KIF13B: variants seen among roughly 807,000 people sequenced by gnomAD.
The protein encoded by KIF13B is kinesin-like protein KIF13B.
A neutral mutation model predicts 222.0 loss-of-function variants in KIF13B; 127 were observed. The observed-to-expected ratio is 0.57, with a 90% CI of 0.50 to 0.66. The LOEUF is 0.66. Among genes scored for constraint, KIF13B ranks in the 30% least tolerant of loss-of-function variants. KIF13B has a pLI of 0.00. For missense variants in KIF13B, 2,173 were observed against 2,379.0 expected, an observed-to-expected ratio of 0.91 and a Z score of 1.80; for synonymous variants, 976 against 919.0, an observed-to-expected ratio of 1.06 and a Z score of -1.12.
chr8:29,148,142 T>C (rs73224671), intron 16 of KIF13B, among the ~76,000 whole-genome samples: 21,618 of 152,144 alleles, frequency 0.14, 1,906 homozygotes, highest in Admixed American at 0.27. Flanking sequence ...GAGGCAGAGG[T>C]TGCAGGGAGC....
rs1160378572 is a variant in KIF13B, at chr8:29,071,893, G to A, written c.4945C>T (p.Arg1649Trp). 32 of 1,485,922 alleles carry A rather than the reference G, an allele frequency of 2.2e-5. No homozygotes were observed. Among genetic ancestry groups the A allele is most frequent in the Admixed American group, 1.0e-4 (4 of 38,866 alleles). The allele number at this position is 1,485,922 out of a possible 1,614,324, so 92.0% of individuals were successfully genotyped here. The change falls in exon 39 of 40, where the codon CGG becomes TGG. Residue 1649 changes from arginine (R) to tryptophan (W), a missense_variant. Arg to Trp is a moderately radical substitution (Grantham distance 101). Transcript: ENST00000524189. The surrounding 1 kb of genome is among the most constrained non-coding windows in gnomAD (Gnocchi z 4.9). Reference protein sequence around the residue: ...APAPGSPFRVRRVRASELRSF... With the variant: ...APAPGSPFRVWRVRASELRSF... ...CGCAACTCCGAGGCCCGCACCCTCC[G>A]GACGCGGAACGGGGAGCCGGGCGCC...
chr8:29,237,217 T>C (rs1032000426), intron 2 of KIF13B, among the ~76,000 whole-genome samples: 7 of 152,108 alleles, frequency 4.6e-5, no homozygotes, highest in Middle Eastern at 3.4e-3. Flanking sequence ...AGTAACAATT[T>C]CTATCCTACA....
At chr8:29,184,706 G>A (rs1812857366) in intron 6 of KIF13B, among the ~76,000 whole-genome samples, 1 of 152,160 alleles carries the variant, frequency 6.6e-6, no homozygotes, top group South Asian at 2.1e-4. Flanking sequence ...GTGCAGATAA[G>A]TTAAAAAGAT....
At chr8:29,135,258 T>C (rs1192966534) in intron 21 of KIF13B, among the ~76,000 whole-genome samples, 2 of 152,130 alleles carry the variant, frequency 1.3e-5, no homozygotes, top group Non-Finnish European at 2.9e-5. Flanking sequence ...TTTCCCAGAC[T>C]GGTTTTGAAT....
intron 35 of KIF13B, among the ~76,000 whole-genome samples, chr8:29,104,488 A>G (rs994143521): frequency 6.6e-6 from 1 of 152,150 alleles, no homozygotes; most frequent in South Asian, 2.1e-4. Flanking sequence ...CCACGTTTGC[A>G]TTGATAACTG....
intron 21 of KIF13B, among the ~76,000 whole-genome samples, chr8:29,136,825 C>A (rs180723898): frequency 0.012 from 1,363 of 117,572 alleles, 15 homozygotes; most frequent in African/African-American, 0.026. Flanking sequence ...TTTGAGATGG[C>A]GTCTCGCTCT....
At chr8:29,113,423 A>G in intron 32 of KIF13B, 40 bp downstream of exon 32, 1 of 1,255,964 alleles carries the variant, frequency 8.0e-7, no homozygotes, top group Non-Finnish European at 1.1e-6. Context: ...GCTCTTTTTA[A>G]GTGTTTATTT....
chr8:29,253,838 A>C lies in KIF13B; in HGVS notation c.56-8399T>G, dbSNP rs548779251. Among the ~76,000 whole-genome samples the C allele has an allele frequency of 3.3e-4, 49 of 150,356 alleles. No individual in the cohort carries two copies. The East Asian group carries it at 8.9e-3, about 27-fold the overall frequency. On this transcript the variant is annotated intron_variant, in intron 1 of 39. Transcript: ENST00000524189. The stretch of plus-strand genomic sequence containing the variant: ...AGAGTGAGACTGTCTCAAAAAAAAA[A>C]AAAAAAAAAAAAAAAAACCCGCTTA...
chr8:29,121,040 T>C (rs1809833967), intron 29 of KIF13B, among the ~76,000 whole-genome samples: 2 of 146,418 alleles, frequency 1.4e-5, no homozygotes, highest in South Asian at 4.5e-4. Context: ...TGTTTTTTTC[T>C]TGTAAATTTG....
intron 29 of KIF13B, among the ~76,000 whole-genome samples, chr8:29,121,780 TG>T (rs1280742515): frequency 4.7e-5 from 7 of 148,288 alleles, no homozygotes; most frequent in Non-Finnish European, 1.0e-4. Context: ...ACCTACAACA[TG>T]GGAGAAAATT....
chr8:29,101,675 C>T (rs946467150), intron 35 of KIF13B, among the ~76,000 whole-genome samples: 11 of 152,200 alleles, frequency 7.2e-5, no homozygotes, highest in African/African-American at 2.7e-4. Context: ...ACACGGCTCA[C>T]TCTGCCCTCT....
intron 1 of KIF13B, among the ~76,000 whole-genome samples, chr8:29,256,300 G>A (rs184004342): frequency 5.0e-4 from 76 of 152,254 alleles, no homozygotes; most frequent in Non-Finnish European, 7.9e-4. Context: ...ACTTTGCAGC[G>A]GATTCCCCAA....
intron 35 of KIF13B, among the ~76,000 whole-genome samples, chr8:29,100,741 C>T (rs754446039): frequency 1.3e-5 from 2 of 152,186 alleles, no homozygotes; most frequent in Non-Finnish European, 2.9e-5. Context: ...TGAGCCAACG[C>T]GCCTGGCAAG....
At chr8:29,226,516 G>C (rs1815032375) in intron 2 of KIF13B, among the ~76,000 whole-genome samples, 1 of 152,040 alleles carries the variant, frequency 6.6e-6, no homozygotes, top group Non-Finnish European at 1.5e-5. Context: ...AAAGCCCATG[G>C]GTGTCCGCTC....
chr8:29,182,898 G>A (rs1405073653), intron 6 of KIF13B, among the ~76,000 whole-genome samples: 3 of 152,008 alleles, frequency 2.0e-5, no homozygotes, highest in African/African-American at 7.2e-5. Flanking sequence ...AAAAAAAATG[G>A]TAAGTGTGTG....
At position 29,186,348 on chromosome 8, in the gene KIF13B, T is replaced by C. The variant is rs36011290; in HGVS notation, c.441A>G (p.Glu147=). ...CATTATAAATTTCCATGTAGGACACTTCTACTTTAAAACTCTGTTCTTCAT... is the reference window on the plus strand; with the variant it reads ...CATTATAAATTTCCATGTAGGACACCTCTACTTTAAAACTCTGTTCTTCAT... ...EENEEQSFKV[E]VSYMEIYNEK... The change falls in exon 6 of 40, where the codon GAA becomes GAG. Residue 147 remains glutamate, a synonymous_variant. Transcript: ENST00000524189. The C allele has an allele frequency of 7.3e-3, 11,837 of 1,613,748 alleles. 761 individuals carry two copies. The African/African-American group carries it at 0.14, about 19-fold the overall frequency.
At chr8:29,206,533 G>GA (rs769160165) in intron 2 of KIF13B, among the ~76,000 whole-genome samples, 16 of 152,162 alleles carry the variant, frequency 1.1e-4, no homozygotes, top group Middle Eastern at 6.8e-3. Flanking sequence ...ACTCACAAGG[G>GA]AAAAAACAGC....
intron 32 of KIF13B, chr8:29,110,477 G>A (rs1051766868): frequency 2.8e-5 from 5 of 180,582 alleles, no homozygotes; most frequent in African/African-American, 4.8e-5. Context: ...GCTACACAGC[G>A]TAGGAATCAA....
chr8:29,141,207 G>A (rs754219763), intron 19 of KIF13B, among the ~76,000 whole-genome samples: 4 of 152,040 alleles, frequency 2.6e-5, no homozygotes, highest in Non-Finnish European at 5.9e-5. Flanking sequence ...GGTGGTGGGC[G>A]CCTGTAATCC....
Sources: gnomAD v4.1 joint callset for allele counts (sites outside exome capture counted in the v4.1 genomes callset) on GRCh38, gnomAD v4.1.1 for gene constraint, Gnocchi (gnomAD v3.1) non-coding constraint, MANE v1.5 for transcripts, NCBI Gene and HGNC (gene_info 2026-07-23, HGNC 2026-07-21) for gene names.